HHAT: variants seen among roughly 807,000 people sequenced by gnomAD.
HHAT encodes the protein protein-cysteine N-palmitoyltransferase HHAT.
HHAT carries 47 observed loss-of-function variants against 70.8 expected under a neutral mutation model. That is an observed-to-expected ratio of 0.66 (90% CI 0.53 to 0.85). HHAT has a LOEUF of 0.85. Among genes scored for constraint, HHAT ranks in the 40% least tolerant of loss-of-function variants. The pLI is 0.00. For synonymous variants in HHAT, 228 were observed against 247.6 expected, an observed-to-expected ratio of 0.92 and a Z score of 0.74; for missense variants, 609 against 604.8, an observed-to-expected ratio of 1.01 and a Z score of -0.07.
chr1:210,583,771 G>C (rs993554285), intron 9 of HHAT, among the ~76,000 whole-genome samples: 4 of 152,060 alleles, frequency 2.6e-5, no homozygotes, highest in African/African-American at 9.7e-5. Context: ...CAAAGTAACA[G>C]CCATGGTTCC....
At chr1:210,569,526 T>A (rs1187269049) in intron 9 of HHAT, among the ~76,000 whole-genome samples, 6 of 152,230 alleles carry the variant, frequency 3.9e-5, no homozygotes, top group Admixed American at 2.0e-4. Context: ...AATGTACAAT[T>A]ACATTTTTTA....
At chr1:210,605,125 G>A (rs1665119425) in intron 10 of HHAT, among the ~76,000 whole-genome samples, 2 of 152,212 alleles carry the variant, frequency 1.3e-5, no homozygotes, top group African/African-American at 4.8e-5. Context: ...AAGAGGAAAT[G>A]GTACCAGATA....
intron 1 of HHAT, among the ~76,000 whole-genome samples, chr1:210,335,099 A>G (rs983255069): frequency 2.0e-5 from 3 of 152,146 alleles, no homozygotes; most frequent in Non-Finnish European, 2.9e-5. Context: ...TTACAAGAAA[A>G]TTATAGGCCA....
intron 9 of HHAT, among the ~76,000 whole-genome samples, chr1:210,563,342 G>A (rs934047188): frequency 2.6e-5 from 4 of 152,168 alleles, no homozygotes; most frequent in Non-Finnish European, 2.9e-5. Flanking sequence ...GTTAGGGGCC[G>A]GGGATCATAA....
chr1:210,493,937 G>T (rs948640920), intron 8 of HHAT, among the ~76,000 whole-genome samples: 1 of 152,186 alleles, frequency 6.6e-6, no homozygotes, highest in African/African-American at 2.4e-5. Flanking sequence ...TGTCTTTAAA[G>T]TAGGCACTTG....
At chr1:210,532,637 GT>G (rs1243243581) in intron 9 of HHAT, among the ~76,000 whole-genome samples, 1 of 152,202 alleles carries the variant, frequency 6.6e-6, no homozygotes, top group Non-Finnish European at 1.5e-5. Context: ...CCATATTGGA[GT>G]TTTAGATACT....
In HHAT at chr1:210,380,869, C is replaced by T. The variant is rs546435536; in HGVS notation, c.160-6599C>T. On this transcript the variant is annotated intron_variant, in intron 3 of 11. Transcript: ENST00000261458. ...TGGTGGGGGCAGTGAAGGTTAGGTA[C>T]GACGATGGAAGGGTGGACAGGGGGA... Among the ~76,000 whole-genome samples, 14 of 151,704 alleles carry T rather than the reference C, an allele frequency of 9.2e-5. No homozygotes were observed. In the South Asian group the frequency reaches 1.7e-3, roughly 18 times the overall value.
At chr1:210,482,459 A>G (rs1031752074) in intron 8 of HHAT, among the ~76,000 whole-genome samples, 3 of 152,222 alleles carry the variant, frequency 2.0e-5, no homozygotes, top group Non-Finnish European at 4.4e-5. Flanking sequence ...TTTTAAACAC[A>G]GGGTGCCAGT....
At chr1:210,574,950 A>G (rs1245734197) in intron 9 of HHAT, among the ~76,000 whole-genome samples, 2 of 152,206 alleles carry the variant, frequency 1.3e-5, no homozygotes, top group African/African-American at 2.4e-5. Context: ...CAGGAGTGGC[A>G]CTGAATAGGA....
At chr1:210,571,203 C>T (rs1656194897) in intron 9 of HHAT, among the ~76,000 whole-genome samples, 1 of 152,220 alleles carries the variant, frequency 6.6e-6, no homozygotes, top group Admixed American at 6.5e-5. Context: ...CTCCTCCATG[C>T]CTTTCCCTTT....
chr1:210,641,214 TC>T, intron 11 of HHAT, among the ~76,000 whole-genome samples: 1 of 152,306 alleles, frequency 6.6e-6, no homozygotes, highest in Non-Finnish European at 1.5e-5. Flanking sequence ...GCACTTGTCT[TC>T]CTATTAGTAT....
intron 9 of HHAT, among the ~76,000 whole-genome samples, chr1:210,567,162 A>G (rs566681261): frequency 6.6e-6 from 1 of 152,204 alleles, no homozygotes; most frequent in Non-Finnish European, 1.5e-5. Context: ...CTACCATTTC[A>G]TCAAGAATAG....
At chr1:210,556,082 G>GA (rs1040970951) in intron 9 of HHAT, among the ~76,000 whole-genome samples, 7 of 152,000 alleles carry the variant, frequency 4.6e-5, no homozygotes, top group African/African-American at 1.7e-4. Flanking sequence ...AGTGTGCAGG[G>GA]AGTTTAGTCT....
intron 11 of HHAT, among the ~76,000 whole-genome samples, chr1:210,627,563 AG>A (rs1209618179): frequency 6.6e-6 from 1 of 152,124 alleles, no homozygotes; most frequent in Non-Finnish European, 1.5e-5. Flanking sequence ...TGCTGTCTAA[AG>A]AGTGGAAGAC....
chr1:210,662,007 A>G (rs1677834549), intron 11 of HHAT, among the ~76,000 whole-genome samples: 1 of 152,204 alleles, frequency 6.6e-6, no homozygotes, highest in African/African-American at 2.4e-5. Flanking sequence ...AAAAATTAAT[A>G]AAATAAAATC....
chr1:210,378,555 A>G (rs1020639059), intron 3 of HHAT, among the ~76,000 whole-genome samples: 3 of 152,206 alleles, frequency 2.0e-5, no homozygotes, highest in Non-Finnish European at 2.9e-5. Flanking sequence ...AAAAATTGAT[A>G]TACAATAGTT....
At chr1:210,631,893 CTA>C (rs1392002607) in intron 11 of HHAT, among the ~76,000 whole-genome samples, 1 of 152,140 alleles carries the variant, frequency 6.6e-6, no homozygotes, top group Admixed American at 6.5e-5. Context: ...GGAGTGAAGA[CTA>C]TACAAAAAAA....
chr1:210,549,383 G>GT (rs2095510240), intron 9 of HHAT, among the ~76,000 whole-genome samples: 1 of 148,762 alleles, frequency 6.7e-6, no homozygotes, highest in Non-Finnish European at 1.5e-5. Flanking sequence ...GCAGAGTGTG[G>GT]TATTGTGGGG....
At chr1:210,400,734 C>T (rs992469194) in intron 5 of HHAT, 72 bp downstream of exon 5, 30 of 1,385,834 alleles carry the variant, frequency 2.2e-5, no homozygotes, top group Non-Finnish European at 2.8e-5. Context: ...CCAGTAGACA[C>T]CTTGGTTTTC....
Sources: gnomAD v4.1 joint callset for allele counts (sites outside exome capture counted in the v4.1 genomes callset) on GRCh38, gnomAD v4.1.1 for gene constraint, MANE v1.5 for transcripts, NCBI Gene and HGNC (gene_info 2026-07-23, HGNC 2026-07-21) for gene names.